The following CERS6 variants were observed in gnomAD, a reference collection of about 807,000 sequenced individuals.
The protein encoded by CERS6 is LAG1 homolog, ceramide synthase 6.
In CERS6, 26 loss-of-function variants were observed where a neutral mutation model predicts 56.8. The ratio of observed to expected loss-of-function variants is 0.46; its 90% confidence interval spans 0.34 to 0.63. CERS6 has a LOEUF of 0.63. Ranked by LOEUF, CERS6 falls within the 30% of genes least tolerant of loss-of-function variation. The pLI, the probability that CERS6 is intolerant of heterozygous loss-of-function variation, is 0.01. For missense variants in CERS6, 415 were observed against 467.5 expected (o/e 0.89, Z 1.04); for synonymous variants, 164 against 173.3 (o/e 0.95, Z 0.42).
chr2:168,535,602 T>A (rs561502082), intron 1 of CERS6, among the ~76,000 whole-genome samples: 5 of 151,476 alleles, frequency 3.3e-5, no homozygotes, highest in African/African-American at 1.2e-4. Context: ...TCTTTTTGAT[T>A]GGAGCCTCAG....
At chr2:168,760,978 C>T (rs1010234090) in intron 8 of CERS6, among the ~76,000 whole-genome samples, 2 of 151,998 alleles carry the variant, frequency 1.3e-5, no homozygotes, top group South Asian at 2.1e-4. Flanking sequence ...AGGATGGTCT[C>T]GATCTCCTGA....
Position 168,716,174 on chromosome 2 carries a change from G to A in CERS6, c.738+1045G>A, listed in dbSNP as rs1250265289. Reference sequence around the variant, plus strand: ...TGAAACAGAAAAATAGTCCTAATGGGCTAGGTAAGTCCAACGATAATTTGT... The same window carrying A: ...TGAAACAGAAAAATAGTCCTAATGGACTAGGTAAGTCCAACGATAATTTGT... On this transcript the variant is annotated intron_variant, in intron 7 of 9. Transcript: ENST00000305747. Among the ~76,000 whole-genome samples, 3 of 152,198 alleles carry A rather than the reference G, an allele frequency of 2.0e-5. No homozygotes were observed. In the East Asian group the frequency reaches 5.8e-4, roughly 29 times the overall value.
intron 1 of CERS6, among the ~76,000 whole-genome samples, chr2:168,482,790 T>G (rs1161685314): frequency 6.6e-6 from 1 of 152,256 alleles, no homozygotes; most frequent in Non-Finnish European, 1.5e-5. Flanking sequence ...GAAGGCTGTG[T>G]ACATTTGATA....
At chr2:168,683,627 G>A in intron 4 of CERS6, among the ~76,000 whole-genome samples, 1 of 152,054 alleles carries the variant, frequency 6.6e-6, no homozygotes, top group East Asian at 1.9e-4. Flanking sequence ...CTCCCTCTAG[G>A]TCTTTCTACC....
At chr2:168,522,349 A>G (rs887357147) in intron 1 of CERS6, among the ~76,000 whole-genome samples, 5 of 152,182 alleles carry the variant, frequency 3.3e-5, no homozygotes, top group African/African-American at 1.2e-4. Flanking sequence ...CTATTTTGTA[A>G]TTTATAAACT....
At chr2:168,492,258 C>A (rs543191857) in intron 1 of CERS6, among the ~76,000 whole-genome samples, 1 of 152,134 alleles carries the variant, frequency 6.6e-6, no homozygotes, top group Non-Finnish European at 1.5e-5. Flanking sequence ...CATTCCTATT[C>A]GTCCACATCC....
At chr2:168,698,699 T>A (rs1686730206) in intron 6 of CERS6, among the ~76,000 whole-genome samples, 1 of 152,194 alleles carries the variant, frequency 6.6e-6, no homozygotes, top group Non-Finnish European at 1.5e-5. Context: ...GTTATCTCAA[T>A]AATTTTCGTA....
rs180991494 is a variant in CERS6 at position 168,715,552 on chromosome 2, C to T, written c.738+423C>T. On this transcript the variant is annotated intron_variant, in intron 7 of 9. Transcript: ENST00000305747. ...TGTTTTTATTGCCAATACACATTTA[C>T]CTAAGGTTTTTACAGTGGAAAGGGC... Among the ~76,000 whole-genome samples, 214 of 152,034 alleles carry T rather than the reference C, an allele frequency of 1.4e-3. 2 individuals carry two copies. Among genetic ancestry groups the T allele is most frequent in the Admixed American group, 2.8e-3 (42 of 15,248 alleles).
At chr2:168,614,230 T>C (rs1046788154) in intron 3 of CERS6, among the ~76,000 whole-genome samples, 5 of 152,242 alleles carry the variant, frequency 3.3e-5, no homozygotes, top group Admixed American at 3.3e-4. Flanking sequence ...GATTTAACTT[T>C]CATACATATG....
In CERS6 at chr2:168,457,771, A is replaced by G. The variant is rs139745192; in HGVS notation, c.170+1153A>G. Among the ~76,000 whole-genome samples the G allele has an allele frequency of 2.6e-5, 4 of 152,142 alleles. No individual in the cohort carries two copies. In the East Asian group the frequency reaches 7.7e-4, roughly 29 times the overall value. On this transcript the variant is annotated intron_variant, in intron 1 of 9. Coordinates refer to ENST00000305747, the MANE Select transcript of CERS6 (RefSeq NM_203463.3). ...CCTCTTTGCCTGAAAACGACTGTTG[A>G]GGGTGGCAGAACGCGTCTTTTGAGT...
chr2:168,654,825 T>C (rs1685430107), intron 4 of CERS6, among the ~76,000 whole-genome samples: 1 of 152,222 alleles, frequency 6.6e-6, no homozygotes, highest in African/African-American at 2.4e-5. Context: ...AACAAGGCAA[T>C]ATAGTCTTAT....
chr2:168,614,977 C>A (rs996816985), intron 3 of CERS6, among the ~76,000 whole-genome samples: 8 of 152,100 alleles, frequency 5.3e-5, no homozygotes, highest in East Asian at 3.9e-4. Flanking sequence ...ATTTCACCCC[C>A]CCTGCCACCT....
Position 168,652,619 on chromosome 2 carries a change from T to A in CERS6, c.465+21577T>A, listed in dbSNP as rs866000803. Among the ~76,000 whole-genome samples the A allele has an allele frequency of 7.1e-3, 1,080 of 151,938 alleles. 9 individuals are homozygous for A. The highest frequency in any genetic ancestry group is 0.02 in the Middle Eastern group (6 of 294). On this transcript the variant is annotated intron_variant, in intron 4 of 9. Transcript: ENST00000305747. ...AAATTAATGAATTGTTGTTTTTTTT[T>A]TAACCTTTCCTTATATTACTTGTAT...
rs534401922 is a variant in CERS6 at position 168,699,611 on chromosome 2, C to T, written c.609+4560C>T. On this transcript the variant is annotated intron_variant, in intron 6 of 9. Transcript: ENST00000305747. ...TTTTTGGCACCTTTTTTTTAAATTG[C>T]TGTATTTCCATATAGAATCTGAAGT... 2.0e-5 allele frequency among the ~76,000 whole-genome samples: 3 copies of T among 151,982 alleles called. No individual in the cohort carries two copies. The East Asian group carries it at 5.8e-4, about 29-fold the overall frequency.
At chr2:168,546,792 C>T (rs1416465203) in intron 1 of CERS6, among the ~76,000 whole-genome samples, 1 of 152,096 alleles carries the variant, frequency 6.6e-6, no homozygotes, top group Non-Finnish European at 1.5e-5. Context: ...TAGTCTAAAA[C>T]AACTTTTAAT....
chr2:168,717,995 C>T lies in CERS6; in HGVS notation c.845+17C>T. ...TCCTCTCTGGTGAGTATGCCAGTCT[C>T]CTTCCTGATAGAGCCACCCTTTCCA... On this transcript the variant is annotated intron_variant, in intron 8 of 9. Coordinates refer to ENST00000305747, the MANE Select transcript of CERS6 (RefSeq NM_203463.3). 1.3e-6 allele frequency: 2 copies of T among 1,545,674 alleles called. No homozygotes were observed. The highest frequency in any genetic ancestry group is 1.8e-6 in the Non-Finnish European group (2 of 1,124,592).
chr2:168,608,383 A>G (rs999386161), intron 3 of CERS6, among the ~76,000 whole-genome samples: 2 of 152,200 alleles, frequency 1.3e-5, no homozygotes, highest in South Asian at 2.1e-4. Flanking sequence ...GCAGCTACCT[A>G]AAAGAGAAAT....
intron 4 of CERS6, among the ~76,000 whole-genome samples, chr2:168,689,726 A>G (rs1686449568): frequency 6.6e-6 from 1 of 152,172 alleles, no homozygotes. Flanking sequence ...GCAAAAGGCA[A>G]AATCAGGAGC....
intron 1 of CERS6, among the ~76,000 whole-genome samples, chr2:168,506,698 A>C (rs1694683955): frequency 6.6e-6 from 1 of 152,188 alleles, no homozygotes; most frequent in South Asian, 2.1e-4. Flanking sequence ...ACTTCTCAGT[A>C]AAGAGAATCT....
Sources: gnomAD v4.1 joint callset for allele counts (sites outside exome capture counted in the v4.1 genomes callset) on GRCh38, gnomAD v4.1.1 for gene constraint, MANE v1.5 for transcripts, NCBI Gene and HGNC (gene_info 2026-07-23, HGNC 2026-07-21) for gene names.